The following PFKFB3 variants were observed in gnomAD, a reference collection of about 807,000 sequenced individuals.
PFKFB3 encodes 6-phosphofructo-2-kinase/fructose-2,6-biphosphatase 3.
Under a neutral mutation model 68.0 loss-of-function variants are expected in PFKFB3, and 33 were observed. The observed-to-expected ratio is 0.49, with a 90% confidence interval of 0.37 to 0.65. The LOEUF is 0.65. Ranked by LOEUF, PFKFB3 falls within the 30% of genes least tolerant of loss-of-function variation. The pLI, the probability that PFKFB3 is intolerant of heterozygous loss-of-function variation, is 0.00. For synonymous variants in PFKFB3, 315 were observed against 288.2 expected (o/e 1.09, Z -0.94); for missense variants, 586 against 712.2 (o/e 0.82, Z 2.02).
downstream of PFKFB3, among the ~76,000 whole-genome samples, chr10:6,256,332 T>TG (rs1296444077): frequency 6.6e-6 from 1 of 152,096 alleles, no homozygotes; most frequent in Non-Finnish European, 1.5e-5. Context: ...CTCAAGGACT[T>TG]GGGGGGTGTA....
chr10:6,171,987 T>C (rs1173486329), intron 1 of PFKFB3, among the ~76,000 whole-genome samples: 2 of 152,182 alleles, frequency 1.3e-5, no homozygotes, highest in African/African-American at 2.4e-5. Context: ...TCAGAAAACA[T>C]GAGTTGGTGC....
chr10:6,287,082 G>T, the PFKFB3 span, among the ~76,000 whole-genome samples: 12 of 151,516 alleles, frequency 7.9e-5, no homozygotes, highest in African/African-American at 2.7e-4. Context: ...TTATAATACT[G>T]TTTTTTTGTT....
Position 6,228,242 on chromosome 10 carries a change from T to C in PFKFB3, c.1515+1877T>C, listed in dbSNP as rs753985143. The C allele has an allele frequency of 8.1e-6, 13 of 1,612,390 alleles. No homozygotes were observed. Among genetic ancestry groups the C allele is most frequent in the Non-Finnish European group, 1.1e-5 (13 of 1,179,504 alleles). On this transcript the variant is annotated intron_variant, in intron 14 of 14. Transcript: ENST00000379775. This position sits in a 1 kb window ranked among gnomAD's most constrained non-coding sequence, Gnocchi z 4.5. Reference sequence around the variant, plus strand: ...CTGTAAGTATCTCTCCGATCATCGCTGCTGCTTGCACTGCTTTCTTCCTGC... The same window carrying C: ...CTGTAAGTATCTCTCCGATCATCGCCGCTGCTTGCACTGCTTTCTTCCTGC...
At chr10:6,269,585 A>G in the PFKFB3 span, among the ~76,000 whole-genome samples, 2 of 152,212 alleles carry the variant, frequency 1.3e-5, no homozygotes, top group African/African-American at 4.8e-5. Flanking sequence ...GCTTTGCCAT[A>G]GGTAAGACGT....
chr10:6,149,753 TG>T (rs1841516858), intron 1 of PFKFB3: 1 of 157,760 alleles, frequency 6.3e-6, no homozygotes, highest in South Asian at 2.1e-4. Context: ...CCCAAAGCTG[TG>T]TGCTCGGTCC....
chr10:6,235,954 A>G (rs1846001683), downstream of PFKFB3, among the ~76,000 whole-genome samples: 1 of 151,668 alleles, frequency 6.6e-6, no homozygotes, highest in African/African-American at 2.4e-5. Flanking sequence ...TTTATTAGAG[A>G]CAGCATTTCA....
chr10:6,191,203 TAA>T (rs1331141033), intron 1 of PFKFB3, among the ~76,000 whole-genome samples: 5 of 152,220 alleles, frequency 3.3e-5, no homozygotes, highest in African/African-American at 1.2e-4. Context: ...GAAAATTATT[TAA>T]AGATACATTT....
chr10:6,224,835 C>T (rs574995723), intron 13 of PFKFB3, among the ~76,000 whole-genome samples: 1 of 152,250 alleles, frequency 6.6e-6, no homozygotes, highest in South Asian at 2.1e-4. Flanking sequence ...CCTTTCCTTT[C>T]TGGCAGCTAA....
chr10:6,145,313 C>T (rs1157499222), intron 1 of PFKFB3, among the ~76,000 whole-genome samples: 1 of 152,070 alleles, frequency 6.6e-6, no homozygotes, highest in Non-Finnish European at 1.5e-5. Flanking sequence ...GTCTCCTTTC[C>T]GGCCCCGCGT....
rs35447462 is a variant in PFKFB3, at chr10:6,208,371, C to CTTTTTTTTTTTTTTTTTTT, written c.76+5039_76+5057dup. Among the ~76,000 whole-genome samples, 70 of 60,632 alleles carry CTTTTTTTTTTTTTTTTTTT rather than the reference C, an allele frequency of 1.2e-3. 8 individuals carry two copies. The highest frequency in any genetic ancestry group is 1.5e-3 in the Non-Finnish European group (51 of 34,300). The allele number at this position is 60,632 out of a possible 152,430, so 39.8% of individuals were successfully genotyped here. On this transcript the variant is annotated intron_variant, in intron 1 of 14. Coordinates refer to ENST00000379775, the MANE Select transcript of PFKFB3 (RefSeq NM_004566.4). ...ACAGGTGTAAGCCAGGGTACCTGGC[C>CTTTTTTTTTTTTTTTTTTT]TTTTTTTTTTTTTTTTTTTTTTGCC... is the stretch of plus-strand genomic sequence containing the variant.
rs199594802 is a variant in PFKFB3 at position 6,223,992 on chromosome 10, C to T, written c.1248C>T (p.Thr416=). 4.8e-5 allele frequency: 78 copies of T among 1,614,196 alleles called. 1 individual carries two copies. The Admixed American group carries it at 7.8e-4, about 16-fold the overall frequency. ...EMPYLKCPLH[T]VLKLTPVAYG... ...CCTACCTGAAATGCCCTCTTCACAC[C>T]GTCCTGAAACTGACGCCTGTCGCTT... The change falls in exon 12 of 15, where the codon ACC becomes ACT. Residue 416 remains threonine (T), a synonymous_variant. Transcript: ENST00000379775.
intron 1 of PFKFB3, among the ~76,000 whole-genome samples, chr10:6,185,223 G>A (rs1376713083): frequency 6.6e-6 from 1 of 152,104 alleles, no homozygotes; most frequent in Non-Finnish European, 1.5e-5. Context: ...CCTCTCCTTT[G>A]ATCCCTCTGC....
chr10:6,226,244 TAGCC>T lies in PFKFB3; in HGVS notation c.1399_1402del (p.Ser467ProfsTer40). ...ATGAGACGCAATAGTGTCACCCCGC[TAGCC>T]AGCCCCGAACCCACCAAAAAGCCTC... On this transcript the variant is annotated frameshift_variant, in exon 14 of 15. Coordinates refer to ENST00000379775, the MANE Select transcript of PFKFB3 (RefSeq NM_004566.4). LOFTEE classifies it high-confidence loss of function. 4.3e-6 allele frequency: 7 copies of T among 1,613,838 alleles called. No homozygotes were observed. The highest frequency in any genetic ancestry group is 3.4e-6 in the Non-Finnish European group (4 of 1,179,842).
rs559173871 is a variant in PFKFB3 at position 6,168,745 on chromosome 10, G to A, written c.16+23732G>A. 2.1e-4 allele frequency among the ~76,000 whole-genome samples: 32 copies of A among 152,224 alleles called. No individual in the cohort carries two copies. The South Asian group carries it at 4.6e-3, about 22-fold the overall frequency. On this transcript the variant is annotated intron_variant, in intron 1 of 14. Coordinates refer to the PFKFB3 transcript ENST00000379789. ...CAGCAGCTGCCCACTCGCAGGTGCCGAGTGTATTTGCAGGTCTGTTTGAGC... is the reference window on the plus strand; with the variant it reads ...CAGCAGCTGCCCACTCGCAGGTGCCAAGTGTATTTGCAGGTCTGTTTGAGC...
intron 1 of PFKFB3, among the ~76,000 whole-genome samples, chr10:6,161,144 C>G (rs1267551188): frequency 6.6e-6 from 1 of 152,116 alleles, no homozygotes; most frequent in African/African-American, 2.4e-5. Context: ...CCATGTTGGG[C>G]AGGCTGGTCT....
chr10:6,216,309 G>A, intron 4 of PFKFB3, 118 bp downstream of exon 4: 1 of 981,396 alleles, frequency 1.0e-6, no homozygotes, highest in South Asian at 1.3e-5. Flanking sequence ...AAAGCAGGTG[G>A]CCAGGGCAGC....
At chr10:6,277,152 T>C in the PFKFB3 span, among the ~76,000 whole-genome samples, 2 of 152,180 alleles carry the variant, frequency 1.3e-5, no homozygotes, top group African/African-American at 2.4e-5. Context: ...TAATCCCCAG[T>C]GCTGCAGGTG....
chr10:6,212,912 C>T (rs1844323132), intron 1 of PFKFB3, among the ~76,000 whole-genome samples: 1 of 152,180 alleles, frequency 6.6e-6, no homozygotes, highest in South Asian at 2.1e-4. Flanking sequence ...CTCTTGACCC[C>T]TGGGCCCCAG....
chr10:6,246,413 A>G (rs1846261893), intron 14 of PFKFB3, among the ~76,000 whole-genome samples: 1 of 151,098 alleles, frequency 6.6e-6, no homozygotes, highest in Non-Finnish European at 1.5e-5. Context: ...ATCTCGGCTC[A>G]CTGCAACTTC....
Sources: gnomAD v4.1 joint callset for allele counts (sites outside exome capture counted in the v4.1 genomes callset) on GRCh38, gnomAD v4.1.1 for gene constraint, Gnocchi (gnomAD v3.1) non-coding constraint, MANE v1.5 for transcripts, NCBI Gene and HGNC (gene_info 2026-07-23, HGNC 2026-07-21) for gene names.